HMCN1: variants seen among roughly 807,000 people sequenced by gnomAD.
HMCN1 encodes the protein hemicentin-1.
In HMCN1, 321 loss-of-function variants were observed where a neutral mutation model predicts 625.9. The ratio of observed to expected loss-of-function variants is 0.51; its 90% confidence interval spans 0.47 to 0.56. HMCN1 has a LOEUF of 0.56. HMCN1 is among the 20% of genes least tolerant of loss of function. The pLI, the probability that HMCN1 is intolerant of heterozygous loss-of-function variation, is 0.00. For missense variants in HMCN1, 6,588 were observed against 6,887.3 expected, an observed-to-expected ratio of 0.96 and a Z score of 1.54; for synonymous variants, 2,425 against 2,417.6, an observed-to-expected ratio of 1.00 and a Z score of -0.09.
At chr1:186,063,075 T>TATATATATATATATATATAA (rs1657842625) in intron 48 of HMCN1, among the ~76,000 whole-genome samples, 4 of 90,098 alleles carry the variant, frequency 4.4e-5, no homozygotes, top group African/African-American at 9.2e-5. Context: ...TGCATATATA[T>TATATATATATATATATATAA]ATATATATAT....
At chr1:185,989,678 G>A in intron 21 of HMCN1, 31 bp downstream of exon 21, 1 of 1,608,954 alleles carries the variant, frequency 6.2e-7, no homozygotes, top group Non-Finnish European at 8.5e-7. Context: ...GGTTTTTATT[G>A]ACATTGTCTA....
chr1:186,114,688 T>A (rs1661044801), intron 73 of HMCN1, 131 bp from the exon 74 acceptor site: 1 of 1,068,462 alleles, frequency 9.4e-7, no homozygotes, highest in Non-Finnish European at 1.4e-6. Flanking sequence ...AAGGGTATCA[T>A]AAACATGTGT....
chr1:186,162,433 G>A (rs1456591540), intron 97 of HMCN1, among the ~76,000 whole-genome samples: 1 of 152,028 alleles, frequency 6.6e-6, no homozygotes, highest in Non-Finnish European at 1.5e-5. Flanking sequence ...GTCATTCTCT[G>A]TCCAGCTTTA....
chr1:186,143,161 A>T (rs1650078599), intron 89 of HMCN1, among the ~76,000 whole-genome samples: 1 of 152,218 alleles, frequency 6.6e-6, no homozygotes, highest in African/African-American at 2.4e-5. Flanking sequence ...ACTCAGTCAG[A>T]AACCCATTAA....
At chr1:185,801,222 TG>T (rs1658771147) in intron 1 of HMCN1, among the ~76,000 whole-genome samples, 1 of 152,216 alleles carries the variant, frequency 6.6e-6, no homozygotes, top group Admixed American at 6.5e-5. Flanking sequence ...GATTTATTCA[TG>T]TTAGTGATGA....
At chr1:185,846,265 C>G (rs941638602) in intron 2 of HMCN1, among the ~76,000 whole-genome samples, 169 bp downstream of exon 2, 2 of 152,138 alleles carry the variant, frequency 1.3e-5, no homozygotes, top group Non-Finnish European at 2.9e-5. Context: ...TTGAACAATA[C>G]ATACAGAAAT....
chr1:185,928,785 A>ATC (rs1301021907), intron 10 of HMCN1, 118 bp downstream of exon 10: 16 of 1,110,452 alleles, frequency 1.4e-5, no homozygotes, highest in Non-Finnish European at 2.0e-5. Flanking sequence ...ATTATTGTCT[A>ATC]TCTCTCCACT....
intron 95 of HMCN1, among the ~76,000 whole-genome samples, 198 bp downstream of exon 95, chr1:186,151,941 T>C (rs1650696551): frequency 6.6e-6 from 1 of 152,220 alleles, no homozygotes; most frequent in African/African-American, 2.4e-5. Flanking sequence ...TCTCAAGCAG[T>C]CATTTTATAC....
intron 97 of HMCN1, among the ~76,000 whole-genome samples, chr1:186,164,061 G>GACAC (rs370212356): frequency 6.6e-6 from 1 of 151,842 alleles, no homozygotes; most frequent in Admixed American, 6.6e-5. Flanking sequence ...ACTAAATAGT[G>GACAC]ACACACACAC....
At chr1:185,833,791 GTT>G (rs1186395199) in intron 1 of HMCN1, among the ~76,000 whole-genome samples, 1 of 151,764 alleles carries the variant, frequency 6.6e-6, no homozygotes, top group Non-Finnish European at 1.5e-5. Context: ...TTTCTTAATT[GTT>G]TTTTCCTGAC....
chr1:185,902,395 A>G (rs952778839), intron 4 of HMCN1, among the ~76,000 whole-genome samples: 3 of 139,918 alleles, frequency 2.1e-5, no homozygotes, highest in African/African-American at 9.3e-5. Context: ...CTATCTATCT[A>G]TCTATCTATC....
chr1:186,145,977 G>C, intron 93 of HMCN1, 54 bp downstream of exon 93: 1 of 1,564,428 alleles, frequency 6.4e-7, no homozygotes, highest in Non-Finnish European at 8.8e-7. Flanking sequence ...GTGCAAATTA[G>C]AGAAAGGTGC....
chr1:186,137,155 G>C (rs940634955), intron 87 of HMCN1, among the ~76,000 whole-genome samples: 9 of 152,156 alleles, frequency 5.9e-5, no homozygotes, highest in Non-Finnish European at 1.3e-4. Flanking sequence ...TCCCAAACTA[G>C]ATTTTTGATT....
rs181499322 is a variant in HMCN1 at position 186,041,353 on chromosome 1, G to A, written c.6304+217G>A. Among the ~76,000 whole-genome samples, 151 of 152,206 alleles carry A rather than the reference G, an allele frequency of 9.9e-4. No homozygotes were observed. In the Middle Eastern group the frequency reaches 0.017, roughly 17 times the overall value. ...TGAGAAAGTAAAATGCACACATCCA[G>A]CATGTAGGGTGTTGGTTTTATAGAG... On this transcript the variant is annotated intron_variant, in intron 40 of 106. Transcript: ENST00000271588.
intron 1 of HMCN1, among the ~76,000 whole-genome samples, chr1:185,795,589 T>C (rs941767776): frequency 1.3e-5 from 2 of 152,176 alleles, no homozygotes; most frequent in African/African-American, 4.8e-5. Flanking sequence ...TGTTTTCTGA[T>C]TGTTTGAAGT....
intron 2 of HMCN1, among the ~76,000 whole-genome samples, chr1:185,846,684 A>G (rs1044153157): frequency 6.6e-6 from 1 of 152,104 alleles, no homozygotes; most frequent in African/African-American, 2.4e-5. Flanking sequence ...TCACTGTACT[A>G]CCTTCTATGG....
At chr1:185,902,622 G>A (rs1004836328) in intron 4 of HMCN1, among the ~76,000 whole-genome samples, 2 of 151,550 alleles carry the variant, frequency 1.3e-5, no homozygotes, top group African/African-American at 4.8e-5. Context: ...AATAAATAAA[G>A]GGTATGAATG....
intron 36 of HMCN1, among the ~76,000 whole-genome samples, chr1:186,036,964 C>A (rs140977733): frequency 3.3e-3 from 500 of 152,176 alleles, no homozygotes; most frequent in African/African-American, 0.011. Flanking sequence ...ATGAAATGAA[C>A]TCAGTCATAT....
chr1:186,055,339 A>C, intron 44 of HMCN1, 54 bp from the exon 45 acceptor site: 3 of 1,537,944 alleles, frequency 2.0e-6, no homozygotes, highest in Non-Finnish European at 2.7e-6. Context: ...CCTATGTAAG[A>C]CTTGAAGCAA....
Sources: gnomAD v4.1 joint callset for allele counts (sites outside exome capture counted in the v4.1 genomes callset) on GRCh38, gnomAD v4.1.1 for gene constraint, MANE v1.5 for transcripts, NCBI Gene and HGNC (gene_info 2026-07-23, HGNC 2026-07-21) for gene names.